The following HS6ST3 variants were observed in gnomAD, a reference collection of about 807,000 sequenced individuals.
The protein encoded by HS6ST3 is heparan-sulfate 6-O-sulfotransferase 3.
Under a neutral mutation model 36.7 loss-of-function variants are expected in HS6ST3, and 12 were observed. The observed-to-expected ratio is 0.33, with a 90% CI of 0.21 to 0.53. The LOEUF is 0.53. HS6ST3 is among the 20% of genes least tolerant of loss of function. HS6ST3 has a pLI of 0.95. For synonymous variants in HS6ST3, 240 were observed against 257.5 expected (o/e 0.93, Z 0.65); for missense variants, 584 against 640.9 (o/e 0.91, Z 0.96).
At chr13:96,141,913 A>G (rs1288676158) in intron 1 of HS6ST3, among the ~76,000 whole-genome samples, 1 of 152,090 alleles carries the variant, frequency 6.6e-6, no homozygotes, top group Admixed American at 6.6e-5. Flanking sequence ...AAAGTTGTAA[A>G]TGCCATCAAG....
intron 1 of HS6ST3, among the ~76,000 whole-genome samples, chr13:96,358,413 T>C (rs1925107): frequency 0.43 from 65,340 of 151,886 alleles, 15,016 homozygotes; most frequent in African/African-American, 0.6. Context: ...GTAGTATCAC[T>C]GGGGTAATAT....
intron 1 of HS6ST3, among the ~76,000 whole-genome samples, chr13:96,799,980 A>ATGTATATATATATG (rs1566456830): frequency 1.3e-5 from 1 of 76,634 alleles, no homozygotes; most frequent in South Asian, 3.5e-4. Flanking sequence ...ATATATATAT[A>ATGTATATATATATG]TGTATATATA....
At chr13:96,786,198 C>T (rs1340097936) in intron 1 of HS6ST3, among the ~76,000 whole-genome samples, 1 of 152,106 alleles carries the variant, frequency 6.6e-6, no homozygotes, top group African/African-American at 2.4e-5. Context: ...TTTCGCCAGC[C>T]CTTTGCGTGA....
At chr13:96,791,191 A>G (rs771555975) in intron 1 of HS6ST3, among the ~76,000 whole-genome samples, 3 of 152,054 alleles carry the variant, frequency 2.0e-5, no homozygotes, top group Admixed American at 6.6e-5. Context: ...TTTCCAAACT[A>G]TTGAATCTTG....
intron 1 of HS6ST3, among the ~76,000 whole-genome samples, chr13:96,814,115 C>A (rs1566460254): frequency 6.6e-6 from 1 of 152,128 alleles, no homozygotes; most frequent in Non-Finnish European, 1.5e-5. Context: ...CCTTGTAAAT[C>A]TTTTCCTTGC....
chr13:96,678,663 CAG>C (rs899322321), intron 1 of HS6ST3, among the ~76,000 whole-genome samples: 34 of 151,544 alleles, frequency 2.2e-4, no homozygotes, highest in African/African-American at 8.0e-4. Flanking sequence ...GACAGAGTGA[CAG>C]AGTGAGACTC....
chr13:96,358,374 A>G (rs1209735164), intron 1 of HS6ST3, among the ~76,000 whole-genome samples: 1 of 152,178 alleles, frequency 6.6e-6, no homozygotes. Context: ...TAGTGGAACA[A>G]TCTTGTAGTC....
At chr13:96,714,206 A>G (rs937254473) in intron 1 of HS6ST3, among the ~76,000 whole-genome samples, 2 of 152,232 alleles carry the variant, frequency 1.3e-5, no homozygotes, top group Non-Finnish European at 2.9e-5. Flanking sequence ...TATAACGTCT[A>G]TATAAAACAT....
chr13:96,265,825 C>T (rs1401916781), intron 1 of HS6ST3, among the ~76,000 whole-genome samples: 2 of 152,212 alleles, frequency 1.3e-5, no homozygotes, highest in East Asian at 3.9e-4. Context: ...CTATGAATTC[C>T]ATGGTTACTC....
chr13:96,572,427 T>C (rs2056304011), intron 1 of HS6ST3, among the ~76,000 whole-genome samples: 2 of 152,196 alleles, frequency 1.3e-5, no homozygotes, highest in Admixed American at 6.5e-5. Flanking sequence ...TGCTAAAATA[T>C]TTTCAAATGC....
chr13:96,316,051 G>A (rs928851240), intron 1 of HS6ST3, among the ~76,000 whole-genome samples: 7 of 149,978 alleles, frequency 4.7e-5, no homozygotes, highest in African/African-American at 1.8e-4. Context: ...AGTTTGTATT[G>A]AACACATATT....
At chr13:96,116,232 T>G (rs2053893499) in intron 1 of HS6ST3, among the ~76,000 whole-genome samples, 1 of 152,160 alleles carries the variant, frequency 6.6e-6, no homozygotes, top group Non-Finnish European at 1.5e-5. Context: ...TACTGGCTTC[T>G]TTTACACTGC....
intron 1 of HS6ST3, among the ~76,000 whole-genome samples, chr13:96,705,433 A>G (rs1419073713): frequency 6.6e-6 from 1 of 152,120 alleles, no homozygotes; most frequent in East Asian, 1.9e-4. Context: ...TATTCATGGG[A>G]TACTGTGTAT....
intron 1 of HS6ST3, among the ~76,000 whole-genome samples, chr13:96,750,434 G>A (rs924030999): frequency 1.3e-5 from 2 of 152,188 alleles, no homozygotes; most frequent in African/African-American, 4.8e-5. Context: ...CCTTTCTTCA[G>A]CATGCCTCTG....
intron 1 of HS6ST3, among the ~76,000 whole-genome samples, chr13:96,816,730 T>A (rs1259175930): frequency 1.3e-5 from 2 of 152,196 alleles, no homozygotes; most frequent in Admixed American, 6.5e-5. Flanking sequence ...TGGGATGATT[T>A]TCTCATTAGA....
intron 1 of HS6ST3, among the ~76,000 whole-genome samples, chr13:96,188,929 T>C (rs1372633430): frequency 6.6e-6 from 1 of 152,150 alleles, no homozygotes; most frequent in African/African-American, 2.4e-5. Context: ...GACAGAAATA[T>C]TAAGAACAAT....
At chr13:96,095,903 T>TGTGTGTGTGTGTG (rs2053788466) in intron 1 of HS6ST3, among the ~76,000 whole-genome samples, 6 of 149,350 alleles carry the variant, frequency 4.0e-5, no homozygotes, top group South Asian at 2.2e-4. Context: ...TGTGTGTGTG[T>TGTGTGTGTGTGTG]TATCAGGAAG....
chr13:96,712,765 C>T lies in HS6ST3; in HGVS notation c.708-119725C>T, dbSNP rs115644515. 2.4e-3 allele frequency among the ~76,000 whole-genome samples: 372 copies of T among 151,988 alleles called. 1 individual carries two copies. Among genetic ancestry groups the T allele is most frequent in the African/African-American group, 8.5e-3 (353 of 41,464 alleles). On this transcript the variant is annotated intron_variant, in intron 1 of 1. Coordinates refer to ENST00000376705, the MANE Select transcript of HS6ST3 (RefSeq NM_153456.4). ...AGAATCTGATGCAAATTCTGGTCTA[C>T]GGCTCCCTCCCTACACACCCAGTTC...
intron 1 of HS6ST3, among the ~76,000 whole-genome samples, chr13:96,763,521 A>G (rs570763291): frequency 1.6e-3 from 237 of 150,688 alleles, no homozygotes; most frequent in African/African-American, 5.4e-3. Flanking sequence ...TATTTGTGTA[A>G]CTGATTTAAT....
Sources: allele counts gnomAD v4.1 joint callset (sites outside exome capture counted in the v4.1 genomes callset), GRCh38; gene constraint gnomAD v4.1.1; transcripts MANE v1.5; gene names NCBI Gene and HGNC (gene_info 2026-07-23, HGNC 2026-07-21).